CSTF3: variants seen among roughly 807,000 people sequenced by gnomAD.
The protein encoded by CSTF3 is cleavage stimulation factor subunit 3, also known as CF-1 77 kDa subunit.
In CSTF3, 29 loss-of-function variants were observed where a neutral mutation model predicts 105.8. The observed-to-expected ratio is 0.27, with a 90% CI of 0.20 to 0.37. The LOEUF is 0.37. Ranked by LOEUF, CSTF3 falls within the 10% of genes least tolerant of loss-of-function variation. The pLI is 1.00. For missense variants in CSTF3, 357 were observed against 879.3 expected, an observed-to-expected ratio of 0.41 and a Z score of 7.51; for synonymous variants, 252 against 281.9, an observed-to-expected ratio of 0.89 and a Z score of 1.06.
intron 17 of CSTF3, among the ~76,000 whole-genome samples, chr11:33,089,519 T>C (rs1855145252): frequency 6.6e-6 from 1 of 152,262 alleles, no homozygotes; most frequent in Admixed American, 6.5e-5. Context: ...GGATTTACTG[T>C]AGTCTTAAAC....
chr11:33,146,448 G>C (rs931968828), intron 1 of CSTF3, among the ~76,000 whole-genome samples: 3 of 152,050 alleles, frequency 2.0e-5, no homozygotes, highest in African/African-American at 2.4e-5. Context: ...AGCTACTCAA[G>C]AGGCTAAGGT....
In CSTF3 at chr11:33,090,646, A is replaced by C. The variant is rs1855160248; in HGVS notation, c.1527T>G (p.Phe509Leu). The change falls in exon 17 of 21, where the codon TTT becomes TTG. Residue 509 changes from phenylalanine (F) to leucine (L), a missense_variant. Coordinates refer to ENST00000323959, the MANE Select transcript of CSTF3 (RefSeq NM_001326.3). ...ASILKVEKRR[F>L]TAFKEEYEGK... ...CTTCATACTCTTCTTTGAATGCTGT[A>C]AACCGTCTTTTCTCCACTTTGAGTA... 2 of 1,612,528 alleles carry C rather than the reference A, an allele frequency of 1.2e-6. No homozygotes were observed. The highest frequency in any genetic ancestry group is 1.1e-5 in the South Asian group (1 of 90,810).
Position 33,107,930 on chromosome 11 carries a change from T to C in CSTF3, c.329A>G (p.Glu110Gly). ...GTAACTTGGTAGTTTACCCTTGGTT[T>C]CTCGGACATATGAAAGATAACACTT... ...LWKCYLSYVRETKGKLPSYKE... is the reference protein window; with the variant it reads ...LWKCYLSYVRGTKGKLPSYKE... The change falls in exon 5 of 21, where the codon GAA becomes GGA. Residue 110 changes from glutamate (E) to glycine (G), a missense_variant. By Grantham distance (98) the Glu-to-Gly change is moderately conservative. Around this residue, in one of 4 missense-constraint regions of CSTF3, gnomAD observed 78 missense variants for 180.4 expected, o/e 0.43. Coordinates refer to ENST00000323959, the MANE Select transcript of CSTF3 (RefSeq NM_001326.3). 1 of 1,610,870 alleles carries C rather than the reference T, an allele frequency of 6.2e-7. No individual in the cohort carries two copies. The highest frequency in any genetic ancestry group is 1.1e-5 in the South Asian group (1 of 90,632).
At chr11:33,132,869 T>C (rs1260946946) in intron 3 of CSTF3, among the ~76,000 whole-genome samples, 1 of 152,108 alleles carries the variant, frequency 6.6e-6, no homozygotes, top group East Asian at 1.9e-4. Context: ...AAATTCTTAT[T>C]TAAAATAATT....
rs780499410 is a variant in CSTF3, at chr11:33,096,992, A to G, written c.1129-14T>C. 6.3e-7 allele frequency: 1 copy of G among 1,581,170 alleles called. No individual in the cohort carries two copies. On this transcript the variant is annotated splice_polypyrimidine_tract_variant and intron_variant, in intron 13 of 20. Transcript: ENST00000323959. ...TTGGATATATACCTATGCAAAAGAAAGTATTTGTGTTCTATAAATTAGACA... is the reference window on the plus strand; with the variant it reads ...TTGGATATATACCTATGCAAAAGAAGGTATTTGTGTTCTATAAATTAGACA...
chr11:33,134,089 A>G (rs1010773923), intron 3 of CSTF3, among the ~76,000 whole-genome samples: 4 of 152,238 alleles, frequency 2.6e-5, no homozygotes, highest in Non-Finnish European at 5.9e-5. Flanking sequence ...CGGAAAAAAA[A>G]GATTCAGTAA....
At chr11:33,120,569 TTTAGG>T (rs1855475934) in intron 3 of CSTF3, among the ~76,000 whole-genome samples, 1 of 151,894 alleles carries the variant, frequency 6.6e-6, no homozygotes, top group African/African-American at 2.4e-5. Flanking sequence ...TGTGCATGTA[TTTAGG>T]TTAAGTGTAT....
At chr11:33,122,526 GA>G (rs1464537327) in intron 3 of CSTF3, among the ~76,000 whole-genome samples, 2 of 151,954 alleles carry the variant, frequency 1.3e-5, no homozygotes, top group East Asian at 1.9e-4. Flanking sequence ...TTAAAAAGAT[GA>G]AAAAAATAAT....
At chr11:33,153,800 ATTAAG>A (rs1400412208) in intron 1 of CSTF3, among the ~76,000 whole-genome samples, 3 of 152,094 alleles carry the variant, frequency 2.0e-5, no homozygotes, top group Admixed American at 1.3e-4. Flanking sequence ...CCATACTGAA[ATTAAG>A]TTAAAGTAGG....
At chr11:33,154,491 C>CTTT (rs34462847) in intron 1 of CSTF3, among the ~76,000 whole-genome samples, 63 of 60,862 alleles carry the variant, frequency 1.0e-3, no homozygotes, top group African/African-American at 1.5e-3. Flanking sequence ...GTAAGACTTT[C>CTTT]TTTTTTTTTT....
intron 1 of CSTF3, among the ~76,000 whole-genome samples, chr11:33,142,191 C>A (rs1035936228): frequency 5.3e-5 from 8 of 151,842 alleles, no homozygotes; most frequent in African/African-American, 1.9e-4. Context: ...TATACTCAAC[C>A]AAGGGTGGAT....
chr11:33,143,327 A>G (rs747102072), intron 1 of CSTF3, among the ~76,000 whole-genome samples: 1 of 152,194 alleles, frequency 6.6e-6, no homozygotes, highest in Non-Finnish European at 1.5e-5. Flanking sequence ...TAGAAATTTA[A>G]TTTTTGAAAA....
At chr11:33,155,484 A>T (rs1849851533) in intron 1 of CSTF3, among the ~76,000 whole-genome samples, 1 of 152,182 alleles carries the variant, frequency 6.6e-6, no homozygotes, top group Non-Finnish European at 1.5e-5. Context: ...CCTAGGAAAC[A>T]AATAGCTACA....
chr11:33,087,182 G>T (rs760972177), intron 17 of CSTF3, 41 bp from the exon 18 acceptor site: 2 of 1,601,108 alleles, frequency 1.2e-6, no homozygotes, highest in South Asian at 1.1e-5. Context: ...CTGAAAAAGG[G>T]ACTACTAGAG....
chr11:33,157,416 C>G (rs1849881391), intron 1 of CSTF3, among the ~76,000 whole-genome samples: 1 of 152,012 alleles, frequency 6.6e-6, no homozygotes, highest in Admixed American at 6.6e-5. Flanking sequence ...AGCCATAATT[C>G]CACACAGAAA....
intron 1 of CSTF3, among the ~76,000 whole-genome samples, chr11:33,154,858 CTA>C (rs1386607814): frequency 6.6e-6 from 1 of 152,072 alleles, no homozygotes; most frequent in Non-Finnish European, 1.5e-5. Flanking sequence ...TAATAAAGAA[CTA>C]TATGTGACAG....
chr11:33,121,053 C>G (rs773397423), intron 3 of CSTF3, among the ~76,000 whole-genome samples: 43 of 151,978 alleles, frequency 2.8e-4, no homozygotes, highest in Non-Finnish European at 4.6e-4. Flanking sequence ...ACACCCAAAT[C>G]AATTCCATTT....
chr11:33,115,705 T>G (rs1855424503), intron 3 of CSTF3, among the ~76,000 whole-genome samples: 1 of 152,214 alleles, frequency 6.6e-6, no homozygotes, highest in African/African-American at 2.4e-5. Flanking sequence ...ACCTAAAGAA[T>G]AGTTTTCTTT....
intron 3 of CSTF3, among the ~76,000 whole-genome samples, chr11:33,129,466 TTAC>T (rs961986178): frequency 6.6e-6 from 1 of 152,064 alleles, no homozygotes; most frequent in African/African-American, 2.4e-5. Context: ...GTCTACAAAG[TTAC>T]TACCAGATGA....
Sources: allele counts gnomAD v4.1 joint callset (sites outside exome capture counted in the v4.1 genomes callset), GRCh38; gene constraint gnomAD v4.1.1; regional missense constraint gnomAD v4.1.1; transcripts MANE v1.5; gene names NCBI Gene and HGNC (gene_info 2026-07-23, HGNC 2026-07-21).